The following ATL2 variants were observed in gnomAD, a reference collection of about 807,000 sequenced individuals.
ATL2 encodes the protein atlastin-2.
ATL2 carries 31 observed loss-of-function variants against 73.9 expected under a neutral mutation model. That is an observed-to-expected ratio of 0.42 (90% confidence interval 0.32 to 0.57). The LOEUF is 0.57. Among genes scored for constraint, ATL2 ranks in the 20% least tolerant of loss-of-function variants. The pLI is 0.14. For missense variants in ATL2, 738 were observed against 702.6 expected (o/e 1.05, Z -0.57); for synonymous variants, 291 against 237.5 (o/e 1.23, Z -2.07).
Position 38,300,253 on chromosome 2 carries a change from TCA to T in ATL2, c.1128+17_1128+18del. On this transcript the variant is annotated intron_variant, in intron 10 of 12. Transcript: ENST00000378954. ...TAAATAAGTATATGTACAACACATATCACTCTCTCTCTCTCTACCTGAAGCAT... is the reference window on the plus strand; with the variant it reads ...TAAATAAGTATATGTACAACACATATCTCTCTCTCTCTCTACCTGAAGCAT... 6.4e-7 allele frequency: 1 copy of T among 1,566,650 alleles called. No individual in the cohort carries two copies.
chr2:38,356,433 C>G (rs1441140862), intron 1 of ATL2, among the ~76,000 whole-genome samples: 1 of 151,634 alleles, frequency 6.6e-6, no homozygotes, highest in African/African-American at 2.4e-5. Flanking sequence ...AAGTGATCCA[C>G]CCACCTCACT....
chr2:38,313,411 AAAC>A (rs1170786657), intron 6 of ATL2, among the ~76,000 whole-genome samples, 168 bp from the exon 7 acceptor site: 2 of 152,194 alleles, frequency 1.3e-5, no homozygotes, highest in African/African-American at 2.4e-5. Context: ...GGACCCACTT[AAAC>A]AACATTCTCA....
chr2:38,325,695 C>CACACACACA (rs1558412023), intron 2 of ATL2, among the ~76,000 whole-genome samples: 3 of 9,244 alleles, frequency 3.2e-4, no homozygotes, highest in Non-Finnish European at 5.7e-4. Context: ...CACACACACA[C>CACACACACA]CAGTACACAC....
chr2:38,342,675 G>T (rs1426216547), intron 2 of ATL2, among the ~76,000 whole-genome samples: 2 of 152,102 alleles, frequency 1.3e-5, no homozygotes, highest in South Asian at 2.1e-4. Context: ...TCACTGTAAA[G>T]GTGGCCAAAA....
At chr2:38,346,232 T>C (rs973699126) in intron 1 of ATL2, among the ~76,000 whole-genome samples, 5 of 152,194 alleles carry the variant, frequency 3.3e-5, no homozygotes, top group Admixed American at 6.5e-5. Context: ...CCTGCACTTG[T>C]CACTGCCACA....
At chr2:38,365,532 T>A (rs1381540362) in intron 1 of ATL2, among the ~76,000 whole-genome samples, 1 of 152,138 alleles carries the variant, frequency 6.6e-6, no homozygotes, top group East Asian at 1.9e-4. Context: ...GACTCACACC[T>A]GTAATCTTAG....
In ATL2 at chr2:38,335,284, CTTTACAAAAATGTTCATTAGCAGT is replaced by C. The variant is rs142340076; in HGVS notation, c.363+7960_363+7983del. ...GAATTCAGTGCTTACATCACAAAGA[CTTTACAAAAATGTTCATTAGCAGT>C]TTTATTCATAACAGAAAAAAACTAG... On this transcript the variant is annotated intron_variant, in intron 2 of 12. Transcript: ENST00000378954. Among the ~76,000 whole-genome samples, 1,043 of 152,102 alleles carry C rather than the reference CTTTACAAAAATGTTCATTAGCAGT, an allele frequency of 6.9e-3. 13 individuals carry two copies. The highest frequency in any genetic ancestry group is 0.057 in the East Asian group (295 of 5,172).
At chr2:38,371,267 G>A (rs924222536) in intron 1 of ATL2, among the ~76,000 whole-genome samples, 2 of 151,112 alleles carry the variant, frequency 1.3e-5, no homozygotes. Context: ...CAACACTTGG[G>A]AGGCAGAGAT....
At chr2:38,323,828 T>C (rs1415270230) in intron 2 of ATL2, among the ~76,000 whole-genome samples, 4 of 152,170 alleles carry the variant, frequency 2.6e-5, no homozygotes, top group African/African-American at 7.2e-5. Context: ...AAAGGGTTGG[T>C]TGTCCTGCCA....
intron 7 of ATL2, among the ~76,000 whole-genome samples, chr2:38,310,653 T>C (rs1272436008): frequency 7.3e-6 from 1 of 136,580 alleles, no homozygotes; most frequent in African/African-American, 3.2e-5. Flanking sequence ...TTTTTTTTTT[T>C]AAAGACAGAG....
chr2:38,318,545 C>G lies in ATL2; in HGVS notation c.593G>C (p.Ser198Thr). 6.2e-7 allele frequency: 1 copy of G among 1,600,390 alleles called. No individual in the cohort carries two copies. The highest frequency in any genetic ancestry group is 8.5e-7 in the Non-Finnish European group (1 of 1,175,588). ...ATVFALSTMT[S>T]SVQVYNLSQN... Reference sequence around the variant, plus strand: ...AATCTTGTGTCTCACCTGGACAGAGCTAGTCATAGTGCTCAGAGCAAACAC... The same window carrying G: ...AATCTTGTGTCTCACCTGGACAGAGGTAGTCATAGTGCTCAGAGCAAACAC... Residue 198 changes from serine (S) to threonine (T), a missense_variant, in exon 4 of 13, where the codon AGC becomes ACC. Physicochemically the swap from Ser to Thr is moderately conservative, Grantham distance 58. Coordinates refer to ENST00000378954, the MANE Select transcript of ATL2 (RefSeq NM_001135673.4).
chr2:38,328,921 T>C (rs1002677667), intron 2 of ATL2, among the ~76,000 whole-genome samples: 1 of 150,412 alleles, frequency 6.6e-6, no homozygotes, highest in Non-Finnish European at 1.5e-5. Context: ...TATAATTAAC[T>C]GAAGAGAGAG....
chr2:38,336,258 T>G (rs1444766482), intron 2 of ATL2, among the ~76,000 whole-genome samples: 1 of 152,220 alleles, frequency 6.6e-6, no homozygotes, highest in East Asian at 1.9e-4. Context: ...TGGCAAGTTA[T>G]ATGTAGCAGT....
At chr2:38,369,365 A>G (rs114819428) in intron 1 of ATL2, among the ~76,000 whole-genome samples, 18,943 of 152,010 alleles carry the variant, frequency 0.12, 3,457 homozygotes, top group African/African-American at 0.41. Flanking sequence ...CACGAGAATC[A>G]GTTGAACTCA....
intron 1 of ATL2, among the ~76,000 whole-genome samples, chr2:38,347,305 G>C (rs1009595199): frequency 6.6e-6 from 1 of 152,066 alleles, no homozygotes; most frequent in Admixed American, 6.6e-5. Flanking sequence ...GGACAATCTG[G>C]CCTTCTTGCT....
chr2:38,345,560 G>T (rs968498374), intron 1 of ATL2, among the ~76,000 whole-genome samples: 54 of 152,306 alleles, frequency 3.5e-4, no homozygotes, highest in Admixed American at 1.8e-3. Context: ...ATCTTTGAAA[G>T]TAAAAGCAAT....
At chr2:38,296,141 A>T (rs1302862524) in intron 12 of ATL2, 28 bp from the exon 13 acceptor site, 9 of 1,525,814 alleles carry the variant, frequency 5.9e-6, no homozygotes, top group Non-Finnish European at 7.9e-6. Context: ...TGCAAAACAA[A>T]CAAAAACATG....
intron 7 of ATL2, among the ~76,000 whole-genome samples, chr2:38,312,389 ACT>A (rs10638181): frequency 1.3e-5 from 2 of 151,744 alleles, no homozygotes; most frequent in Non-Finnish European, 1.5e-5. Context: ...TTCCCCCTTC[ACT>A]CTCTCTCTCC....
chr2:38,374,779 A>G (rs1158419278), intron 1 of ATL2, among the ~76,000 whole-genome samples: 1 of 152,248 alleles, frequency 6.6e-6, no homozygotes, highest in Non-Finnish European at 1.5e-5. Flanking sequence ...CTGTGGAAAA[A>G]GCCTAATTTT....
Sources: gnomAD v4.1 joint callset for allele counts (sites outside exome capture counted in the v4.1 genomes callset) on GRCh38, gnomAD v4.1.1 for gene constraint, MANE v1.5 for transcripts, NCBI Gene and HGNC (gene_info 2026-07-23, HGNC 2026-07-21) for gene names.